NAPEPLD: variants seen among roughly 807,000 people sequenced by gnomAD.
NAPEPLD encodes the protein N-acyl phosphatidylethanolamine phospholipase D, also known as N-acyl-phosphatidylethanolamine-hydrolyzing phospholipase D.
Under a neutral mutation model 38.1 loss-of-function variants are expected in NAPEPLD, and 23 were observed. That is an observed-to-expected ratio of 0.60 (90% CI 0.43 to 0.86). The LOEUF is 0.86. Ranked by LOEUF, NAPEPLD falls within the 40% of genes least tolerant of loss-of-function variation. NAPEPLD has a pLI of 0.00. For missense variants in NAPEPLD, 411 were observed against 476.8 expected, an observed-to-expected ratio of 0.86 and a Z score of 1.28; for synonymous variants, 147 against 162.0, an observed-to-expected ratio of 0.91 and a Z score of 0.71.
chr7:103,105,841 G>C (rs996578756), intron 4 of NAPEPLD, among the ~76,000 whole-genome samples: 1 of 149,136 alleles, frequency 6.7e-6, no homozygotes, highest in African/African-American at 2.5e-5. Flanking sequence ...GCTGAGGCAG[G>C]AGAATTGCTT....
intron 2 of NAPEPLD, among the ~76,000 whole-genome samples, chr7:103,121,677 T>C (rs1806723164): frequency 6.6e-6 from 1 of 152,246 alleles, no homozygotes; most frequent in South Asian, 2.1e-4. Context: ...TTTATTTTTC[T>C]AGTCTAATAG....
chr7:103,128,794 T>TA lies in NAPEPLD; in HGVS notation c.-16-3dup, dbSNP rs762593966. The TA allele has an allele frequency of 7.5e-6, 12 of 1,592,426 alleles. No homozygotes were observed. The highest frequency in any genetic ancestry group is 7.4e-5 in the Admixed American group (4 of 54,396). ...TCATCCATGTCCTTTGGTGAAGAAC[T>TA]AAAAAAAACAAGGGGGAAAAATACT... On this transcript the variant is annotated splice_region_variant and splice_polypyrimidine_tract_variant and intron_variant, in intron 1 of 4. Transcript: ENST00000465647.
intron 1 of NAPEPLD, among the ~76,000 whole-genome samples, chr7:103,137,204 T>C (rs947659784): frequency 1.3e-5 from 2 of 152,342 alleles, no homozygotes; most frequent in Admixed American, 6.5e-5. Flanking sequence ...CCCAAAGTGC[T>C]GGGGATCACA....
At position 103,116,289 on chromosome 7, in the gene NAPEPLD, C is replaced by T. The variant is rs1037610007; in HGVS notation, c.942-1115G>A. Among the ~76,000 whole-genome samples the T allele has an allele frequency of 3.9e-5, 6 of 152,090 alleles. No homozygotes were observed. The South Asian group carries it at 1.2e-3, about 32-fold the overall frequency. ...TGTTAGCCAGGATGGTACTGATCTC[C>T]TGACCTTGTGATCTGCCTGCCTCCA... On this transcript the variant is annotated intron_variant, in intron 3 of 4. Coordinates refer to ENST00000465647, the MANE Select transcript of NAPEPLD (RefSeq NM_001122838.3).
At chr7:103,134,091 T>G (rs1683687975) in intron 1 of NAPEPLD, among the ~76,000 whole-genome samples, 1 of 152,180 alleles carries the variant, frequency 6.6e-6, no homozygotes, top group Admixed American at 6.6e-5. Context: ...TCAGTGGTGT[T>G]AAAATGTGAA....
upstream of NAPEPLD, chr7:103,149,123 G>T: frequency 1.0e-6 from 1 of 986,928 alleles, no homozygotes; most frequent in Non-Finnish European, 1.2e-6. Flanking sequence ...CAGAGACCGT[G>T]GAGGAGGCAG....
intron 4 of NAPEPLD, among the ~76,000 whole-genome samples, chr7:103,105,335 C>T (rs1803090819): frequency 6.6e-6 from 1 of 152,066 alleles, no homozygotes; most frequent in South Asian, 2.1e-4. Context: ...GCTAGCCACA[C>T]ACAACTCGTA....
At chr7:103,113,611 TAAGACAGAGTCTCAC>T (rs1328038554) in intron 4 of NAPEPLD, among the ~76,000 whole-genome samples, 275 of 146,314 alleles carry the variant, frequency 1.9e-3, no homozygotes, top group East Asian at 6.7e-3. Context: ...CTTTTTTTTT[TAAGACAGAGTCTCAC>T]TTTTTTTTTT....
chr7:103,139,507 G>C (rs1290807140), intron 1 of NAPEPLD, among the ~76,000 whole-genome samples: 3 of 152,242 alleles, frequency 2.0e-5, no homozygotes, highest in African/African-American at 7.2e-5. Flanking sequence ...GGTCCACAGT[G>C]ACAGCAAGAG....
At position 103,141,237 on chromosome 7, in the gene NAPEPLD, G is replaced by GTTTTTTTTTTTTTTTT. The variant is rs1232871744; in HGVS notation, c.-17+7573_-17+7574insAAAAAAAAAAAAAAAA. 2 of 76,228 alleles carry GTTTTTTTTTTTTTTTT rather than the reference G, an allele frequency of 2.6e-5. 1 individual carries two copies. The highest frequency in any genetic ancestry group is 5.3e-5 in the Non-Finnish European group (2 of 37,866). 4.7% of individuals were successfully genotyped at this position (76,228 alleles called of 1,614,324 possible). ...AATGTACATCAGAATTACCTGTGGA[G>GTTTTTTTTTTTTTTTT]TTGTTTTTTTTTTTTTTTTTTTTTT... On this transcript the variant is annotated intron_variant, in intron 1 of 4. Coordinates refer to ENST00000465647, the MANE Select transcript of NAPEPLD (RefSeq NM_001122838.3).
rs1207260189 is a variant in NAPEPLD at position 103,115,119 on chromosome 7, C to T, written c.997G>A (p.Asp333Asn). Residue 333 changes from aspartate (D) to asparagine (N), a missense_variant, in exon 4 of 5, where the codon GAT becomes AAT. Asp to Asn is a conservative substitution (Grantham distance 23, BLOSUM62 1). Coordinates refer to ENST00000465647, the MANE Select transcript of NAPEPLD (RefSeq NM_001122838.3). ...GCCATAGATTTCTTTGTTTGGACAT[C>T]AGTGTGAATCCTTACAGCTTCTTCT... is the stretch of plus-strand genomic sequence containing the variant. ...DPEEAVRIHTDVQTKKSMAIH... is the reference protein window; with the variant it reads ...DPEEAVRIHTNVQTKKSMAIH... 1 of 1,614,000 alleles carries T rather than the reference C, an allele frequency of 6.2e-7. No homozygotes were observed. Among genetic ancestry groups the T allele is most frequent in the Admixed American group, 1.7e-5 (1 of 60,002 alleles).
In NAPEPLD at chr7:103,148,897, A is replaced by T; in HGVS notation, c.-103T>A. Reference sequence around the variant, plus strand: ...CCAGACAGCTACTCTCCCAAAGAGAAAAAAAATAATGCTGTGGCTCTTCAC... The same window carrying T: ...CCAGACAGCTACTCTCCCAAAGAGATAAAAAATAATGCTGTGGCTCTTCAC... On this transcript the variant is annotated 5_prime_UTR_variant, in exon 1 of 5. Coordinates refer to ENST00000465647, the MANE Select transcript of NAPEPLD (RefSeq NM_001122838.3). 1.0e-6 allele frequency: 1 copy of T among 985,430 alleles called. No homozygotes were observed. The highest frequency in any genetic ancestry group is 1.2e-6 in the Non-Finnish European group (1 of 829,938). 61.0% of individuals were successfully genotyped at this position (985,430 alleles called of 1,614,324 possible). A position where few individuals can be genotyped will look rare whatever the true frequency, so the allele number is the denominator to read the frequency against.
chr7:103,110,967 T>A (rs575759079), intron 4 of NAPEPLD, among the ~76,000 whole-genome samples: 9 of 151,612 alleles, frequency 5.9e-5, no homozygotes, highest in Non-Finnish European at 1.3e-4. Flanking sequence ...AGAAGACCAA[T>A]AACAGGCAAA....
chr7:103,140,686 C>T (rs1279259441), intron 1 of NAPEPLD, among the ~76,000 whole-genome samples: 1 of 152,124 alleles, frequency 6.6e-6, no homozygotes, highest in African/African-American at 2.4e-5. Flanking sequence ...AACAGGATTC[C>T]TACCCGACCT....
chr7:103,114,174 G>A (rs1275025669), intron 4 of NAPEPLD, among the ~76,000 whole-genome samples: 1 of 152,194 alleles, frequency 6.6e-6, no homozygotes, highest in African/African-American at 2.4e-5. Context: ...TGGGATTACA[G>A]GTGTGAGCCA....
intron 4 of NAPEPLD, among the ~76,000 whole-genome samples, chr7:103,108,267 T>A (rs1326546221): frequency 6.6e-6 from 1 of 151,488 alleles, no homozygotes. Flanking sequence ...CTCAGCCTCC[T>A]GAGTAGTTGG....
intron 4 of NAPEPLD, among the ~76,000 whole-genome samples, chr7:103,113,299 C>T (rs535958074): frequency 3.2e-4 from 48 of 152,310 alleles, no homozygotes; most frequent in African/African-American, 1.2e-3. Context: ...TATGGTTAGT[C>T]ATTATTCTAT....
chr7:103,137,218 A>C (rs1484088466), intron 1 of NAPEPLD, among the ~76,000 whole-genome samples: 2 of 152,248 alleles, frequency 1.3e-5, no homozygotes, highest in African/African-American at 4.8e-5. Flanking sequence ...GATCACAGGC[A>C]TGAGCCACTG....
At chr7:103,123,058 C>T (rs991530870) in intron 2 of NAPEPLD, among the ~76,000 whole-genome samples, 1 of 152,216 alleles carries the variant, frequency 6.6e-6, no homozygotes, top group Admixed American at 6.5e-5. Flanking sequence ...ATGGAGACTG[C>T]TTCCTACTCC....
Sources: gnomAD v4.1 joint callset for allele counts (sites outside exome capture counted in the v4.1 genomes callset) on GRCh38, gnomAD v4.1.1 for gene constraint, MANE v1.5 for transcripts, NCBI Gene and HGNC (gene_info 2026-07-23, HGNC 2026-07-21) for gene names.